AQR: variants seen among roughly 807,000 people sequenced by gnomAD.
The protein encoded by AQR is RNA helicase aquarius.
A neutral mutation model predicts 180.5 loss-of-function variants in AQR; 61 were observed. That is an observed-to-expected ratio of 0.34 (90% CI 0.28 to 0.42). AQR has a LOEUF of 0.42. Among genes scored for constraint, AQR ranks in the 10% least tolerant of loss-of-function variants. The probability of loss-of-function intolerance (pLI) is 1.00; values close to 1 mark genes in which losing one functional copy is unlikely to be tolerated. For missense variants in AQR, 1,281 were observed against 1,798.3 expected (o/e 0.71, Z 5.20); for synonymous variants, 551 against 588.8 (o/e 0.94, Z 0.93).
intron 30 of AQR, among the ~76,000 whole-genome samples, chr15:34,871,613 T>G (rs1419375582): frequency 1.3e-5 from 2 of 152,110 alleles, no homozygotes; most frequent in Admixed American, 6.6e-5. Flanking sequence ...AATACCCAGT[T>G]TAATAGCAAA....
At chr15:34,910,591 A>C (rs1415473745) in intron 16 of AQR, among the ~76,000 whole-genome samples, 1 of 152,212 alleles carries the variant, frequency 6.6e-6, no homozygotes, top group Non-Finnish European at 1.5e-5. Context: ...CAACCTAAGA[A>C]AAAAGCTAAC....
chr15:34,946,078 C>T (rs1057074221), intron 5 of AQR, among the ~76,000 whole-genome samples: 2 of 152,116 alleles, frequency 1.3e-5, no homozygotes, highest in Non-Finnish European at 2.9e-5. Context: ...TGAGACCAGC[C>T]TGGCCAATAT....
intron 6 of AQR, chr15:34,943,023 C>G: frequency 6.5e-7 from 1 of 1,529,364 alleles, no homozygotes; most frequent in East Asian, 2.3e-5. Context: ...TCTATTTGTT[C>G]TGTTTAGTTT....
At chr15:34,862,065 T>C (rs1003144591) in intron 33 of AQR, among the ~76,000 whole-genome samples, 3 of 151,994 alleles carry the variant, frequency 2.0e-5, no homozygotes, top group Admixed American at 1.3e-4. Context: ...AGGATAAACG[T>C]GAAACTAAAG....
In AQR at chr15:34,854,614, C is replaced by T. The variant is rs74009745; in HGVS notation, c.*2178G>A. 2.0e-5 allele frequency: 3 copies of T among 152,066 alleles called. No individual in the cohort carries two copies. The highest frequency in any genetic ancestry group is 2.9e-5 in the Non-Finnish European group (2 of 68,020). 9.4% of individuals were successfully genotyped at this position (152,066 alleles called of 1,614,324 possible). A position where few individuals can be genotyped will look rare whatever the true frequency, so the allele number is the denominator to read the frequency against. Reference sequence around the variant, plus strand: ...TCACTTGCCTTTCCAATGAATAAACCGTTTAAAAGAATTCAAATCCCACCA... The same window carrying T: ...TCACTTGCCTTTCCAATGAATAAACTGTTTAAAAGAATTCAAATCCCACCA... On this transcript the variant is annotated 3_prime_UTR_variant, in exon 35 of 35. Transcript: ENST00000156471.
chr15:34,938,903 T>C (rs937066942), intron 8 of AQR, 90 bp from the exon 9 acceptor site: 38 of 861,328 alleles, frequency 4.4e-5, no homozygotes, highest in Admixed American at 1.1e-4. Flanking sequence ...TTTCCAATAT[T>C]GTTCAACTGT....
intron 13 of AQR, among the ~76,000 whole-genome samples, chr15:34,926,756 T>C (rs1447536636): frequency 3.9e-5 from 6 of 152,228 alleles, no homozygotes; most frequent in Non-Finnish European, 8.8e-5. Flanking sequence ...ATGTCGTTTA[T>C]GACTGATGAG....
chr15:34,944,411 T>C lies in AQR; in HGVS notation c.348A>G (p.Pro116=). The change falls in exon 6 of 35, where the codon CCA becomes CCG. Residue 116 remains proline, a synonymous_variant. Transcript: ENST00000156471. ...GTTTAAAAAAGAATGGGAAGTGGTC[T>C]GGCTTCTTCTTAAAAATCTGAAAAG... The part of the protein sequence containing the change: ...VPAWEIFKKK[P]DHFPFFFKHI... 2 of 1,595,384 alleles carry C rather than the reference T, an allele frequency of 1.3e-6. No homozygotes were observed. The highest frequency in any genetic ancestry group is 1.7e-4 in the Middle Eastern group (1 of 5,972).
At chr15:34,965,067 T>C (rs980883894) in intron 1 of AQR, among the ~76,000 whole-genome samples, 1 of 152,190 alleles carries the variant, frequency 6.6e-6, no homozygotes, top group East Asian at 1.9e-4. Flanking sequence ...GATGGACAAA[T>C]GAAGCAAAAT....
chr15:34,867,694 C>G, intron 31 of AQR, 85 bp from the exon 32 acceptor site: 1 of 907,410 alleles, frequency 1.1e-6, no homozygotes, highest in Non-Finnish European at 1.7e-6. Flanking sequence ...TAGGAACAAA[C>G]ATCTTATCCT....
In AQR at chr15:34,857,125, ACAAAG is replaced by A; in HGVS notation, c.4144-24_4144-20del. ...ATAAAGTCTAATTAAAAAAAAAAAA[ACAAAG>A]ACAATACCAATATGAAAAACAGCTT... On this transcript the variant is annotated intron_variant, in intron 34 of 34. Transcript: ENST00000156471. The A allele has an allele frequency of 1.3e-6, 2 of 1,524,134 alleles. No individual in the cohort carries two copies. The highest frequency in any genetic ancestry group is 1.3e-5 in the South Asian group (1 of 77,486). 94.4% of individuals were successfully genotyped at this position (1,524,134 alleles called of 1,614,324 possible). A position where few individuals can be genotyped will look rare whatever the true frequency, so the allele number is the denominator to read the frequency against.
rs397853998 is a variant in AQR at position 34,895,159 on chromosome 15, C to CAA, written c.2461-1388_2461-1387dup. 2.4e-3 allele frequency among the ~76,000 whole-genome samples: 6 copies of CAA among 2,456 alleles called. 1 individual carries two copies. Among genetic ancestry groups the CAA allele is most frequent in the Admixed American group, 9.3e-3 (1 of 108 alleles). The allele number at this position is 2,456 out of a possible 152,430, so 1.6% of individuals were successfully genotyped here. ...CCTGGGCTAAAAAGTAAGACTGTCTCAAAAAAAAAAAAAAAAAAAAAAAAA... is the reference window on the plus strand; with the variant it reads ...CCTGGGCTAAAAAGTAAGACTGTCTCAAAAAAAAAAAAAAAAAAAAAAAAAAA... On this transcript the variant is annotated intron_variant, in intron 22 of 34. Coordinates refer to ENST00000156471, the MANE Select transcript of AQR (RefSeq NM_014691.3).
rs1270999435 is a variant in AQR, at chr15:34,857,049, C to G, written c.4201G>C (p.Glu1401Gln). The G allele has an allele frequency of 6.2e-7, 1 of 1,611,768 alleles. No homozygotes were observed. Among genetic ancestry groups the G allele is most frequent in the Non-Finnish European group, 8.5e-7 (1 of 1,178,998 alleles). The change falls in exon 35 of 35, where the codon GAA becomes CAA. Residue 1401 changes from glutamate (E) to glutamine (Q), a missense_variant. Around this residue, in one of 9 missense-constraint regions of AQR, gnomAD observed 182 missense variants for 185.3 expected, o/e 0.98. Coordinates refer to ENST00000156471, the MANE Select transcript of AQR (RefSeq NM_014691.3). ...TCTTCTTCTGTTTCCAATTCTGTTT[C>G]TTGATTTTGAACTTCCTCACCCTCT... is the stretch of plus-strand genomic sequence containing the variant. ...VEEGEEVQNQETELETEEEAM... is the reference protein window; with the variant it reads ...VEEGEEVQNQQTELETEEEAM...
At chr15:34,964,598 T>C (rs1228721616) in intron 1 of AQR, 1 of 425,550 alleles carries the variant, frequency 2.3e-6, no homozygotes, top group African/African-American at 2.0e-5. Context: ...ATCTTCAGCA[T>C]GGCAATAAGG....
At chr15:34,907,893 T>C (rs1394048211) in intron 17 of AQR, among the ~76,000 whole-genome samples, 2 of 152,188 alleles carry the variant, frequency 1.3e-5, no homozygotes, top group Non-Finnish European at 2.9e-5. Flanking sequence ...TGTTCCTTCC[T>C]AAAACAAACC....
chr15:34,959,876 A>G (rs2050264498), intron 3 of AQR, among the ~76,000 whole-genome samples: 1 of 152,166 alleles, frequency 6.6e-6, no homozygotes, highest in African/African-American at 2.4e-5. Flanking sequence ...TGCAGTGGCT[A>G]ATGCCTGTAA....
rs779096607 is a variant in AQR, at chr15:34,944,378, C to T, written c.381G>A (p.Leu127=). 2.5e-5 allele frequency: 41 copies of T among 1,609,840 alleles called. No homozygotes were observed. The highest frequency in any genetic ancestry group is 3.5e-5 in the Non-Finnish European group (41 of 1,178,366). ...DHFPFFFKHI[L]KAALAETDGE... is the part of the protein sequence containing the mutation. ...CATCAGTTTCAGCTAATGCCGCCTTCAAGATGTGTTTAAAAAAGAATGGGA... is the reference window on the plus strand; with the variant it reads ...CATCAGTTTCAGCTAATGCCGCCTTTAAGATGTGTTTAAAAAAGAATGGGA... Residue 127 remains leucine, a synonymous_variant, in exon 6 of 35, where the codon TTG becomes TTA. Coordinates refer to ENST00000156471, the MANE Select transcript of AQR (RefSeq NM_014691.3).
chr15:34,966,724 T>C (rs558012100), intron 1 of AQR, among the ~76,000 whole-genome samples: 2 of 152,286 alleles, frequency 1.3e-5, no homozygotes, highest in East Asian at 1.9e-4. Flanking sequence ...ATATGCCAGA[T>C]CATTAAGATG....
chr15:34,910,073 G>T, intron 17 of AQR, 62 bp downstream of exon 17: 2 of 1,543,194 alleles, frequency 1.3e-6, no homozygotes, highest in South Asian at 2.3e-5. Context: ...CTTTGTTAAT[G>T]CTCTAAGTGA....
Sources: allele counts gnomAD v4.1 joint callset (sites outside exome capture counted in the v4.1 genomes callset), GRCh38; gene constraint gnomAD v4.1.1; regional missense constraint gnomAD v4.1.1; transcripts MANE v1.5; gene names NCBI Gene and HGNC (gene_info 2026-07-23, HGNC 2026-07-21).